The following PCDH15 variants were observed in gnomAD, a reference collection of about 807,000 sequenced individuals.
PCDH15 encodes protocadherin-15.
In PCDH15, 129 loss-of-function variants were observed where a neutral mutation model predicts 178.5. That is an observed-to-expected ratio of 0.72 (90% CI 0.63 to 0.84). The LOEUF (loss-of-function observed/expected upper bound fraction) is 0.84, where lower values mean the gene tolerates loss of function less well. PCDH15 is among the 40% of genes least tolerant of loss of function. PCDH15 has a pLI of 0.00. For missense variants in PCDH15, 2,230 were observed against 2,099.9 expected, an observed-to-expected ratio of 1.06 and a Z score of -1.21; for synonymous variants, 800 against 732.0, an observed-to-expected ratio of 1.09 and a Z score of -1.50.
At chr10:55,447,829 G>GGTTTTTATAGT (rs1295356503) in intron 2 of PCDH15, among the ~76,000 whole-genome samples, 1 of 151,902 alleles carries the variant, frequency 6.6e-6, no homozygotes, top group African/African-American at 2.4e-5. Flanking sequence ...GTGTTGGGAG[G>GGTTTTTATAGT]GTTTTTATAG....
At chr10:54,560,409 A>G (rs186324839) in intron 2 of PCDH15, among the ~76,000 whole-genome samples, 118 of 152,246 alleles carry the variant, frequency 7.8e-4, no homozygotes, top group Admixed American at 1.6e-3. Context: ...TAATGTTGCA[A>G]TATATCAAAT....
intron 2 of PCDH15, among the ~76,000 whole-genome samples, chr10:55,356,253 G>T (rs7099670): frequency 1.3e-3 from 190 of 151,764 alleles, no homozygotes; most frequent in African/African-American, 3.9e-3. Context: ...TGAAAGAAAA[G>T]AATGAGAGAG....
rs1423870955 is a variant in PCDH15 at position 54,885,111 on chromosome 10, T to C, written c.-29+12339A>G. Among the ~76,000 whole-genome samples the C allele has an allele frequency of 2.0e-5, 3 of 152,154 alleles. No individual in the cohort carries two copies. The East Asian group carries it at 5.8e-4, about 29-fold the overall frequency. On this transcript the variant is annotated intron_variant, in intron 3 of 5. Coordinates refer to the PCDH15 transcript ENST00000458638. ...GCTTTATTCCCAGCAACCGATACAA[T>C]AAATGAATGAATGATCTTGAAAATT... is the stretch of plus-strand genomic sequence containing the variant.
At chr10:55,471,599 C>T (rs531204677) in intron 2 of PCDH15, among the ~76,000 whole-genome samples, 16 of 152,288 alleles carry the variant, frequency 1.1e-4, no homozygotes, top group Admixed American at 4.6e-4. Context: ...CTGGTTAAAT[C>T]CCTGTTGGCT....
At chr10:54,838,347 T>G (rs1235716440) in intron 3 of PCDH15, among the ~76,000 whole-genome samples, 1 of 152,066 alleles carries the variant, frequency 6.6e-6, no homozygotes, top group Admixed American at 6.6e-5. Context: ...TCTCATGAGA[T>G]CTGATGGTTT....
chr10:54,623,283 C>T (rs766866626), intron 2 of PCDH15, among the ~76,000 whole-genome samples: 3 of 152,126 alleles, frequency 2.0e-5, no homozygotes, highest in Non-Finnish European at 4.4e-5. Flanking sequence ...AGAAGCTCTG[C>T]ATACATCCAT....
intron 2 of PCDH15, among the ~76,000 whole-genome samples, chr10:55,550,555 T>C (rs1841984330): frequency 6.6e-6 from 1 of 152,152 alleles, no homozygotes; most frequent in African/African-American, 2.4e-5. Context: ...TTAATTGTAT[T>C]GCCAAGTGTC....
intron 2 of PCDH15, among the ~76,000 whole-genome samples, chr10:54,622,662 TA>T (rs1408953512): frequency 9.2e-5 from 9 of 98,306 alleles, no homozygotes; most frequent in East Asian, 2.6e-4. Context: ...TACTATATAA[TA>T]TATATTATAT....
At chr10:54,081,637 G>A (rs571782107) in intron 16 of PCDH15, among the ~76,000 whole-genome samples, 1 of 151,998 alleles carries the variant, frequency 6.6e-6, no homozygotes, top group South Asian at 2.1e-4. Context: ...TATTAAATCC[G>A]AGAAATAGCT....
At chr10:53,882,242 C>T (rs1296039110) in intron 26 of PCDH15, among the ~76,000 whole-genome samples, 1 of 151,556 alleles carries the variant, frequency 6.6e-6, no homozygotes, top group Non-Finnish European at 1.5e-5. Flanking sequence ...GTTTCTCATT[C>T]ACTTGATACA....
intron 2 of PCDH15, among the ~76,000 whole-genome samples, chr10:55,017,049 G>A (rs1002900529): frequency 6.6e-6 from 1 of 152,076 alleles, no homozygotes; most frequent in African/African-American, 2.4e-5. Context: ...GAAGGTATGT[G>A]TATGCATCTA....
At chr10:54,482,251 G>C (rs2078770884) in intron 3 of PCDH15, among the ~76,000 whole-genome samples, 1 of 151,672 alleles carries the variant, frequency 6.6e-6, no homozygotes, top group African/African-American at 2.4e-5. Flanking sequence ...TTAAAATATC[G>C]ATTGTGAGAA....
At chr10:54,356,405 A>G (rs1944980521) in intron 5 of PCDH15, among the ~76,000 whole-genome samples, 1 of 152,034 alleles carries the variant, frequency 6.6e-6, no homozygotes, top group Admixed American at 6.6e-5. Context: ...GTTTTAGGAA[A>G]TACACAATAA....
Position 53,903,229 on chromosome 10 carries a change from A to G in PCDH15, c.3501+14T>C, listed in dbSNP as rs751214050. 2 of 1,611,998 alleles carry G rather than the reference A, an allele frequency of 1.2e-6. No homozygotes were observed. Among genetic ancestry groups the G allele is most frequent in the Non-Finnish European group, 1.7e-6 (2 of 1,178,968 alleles). On this transcript the variant is annotated intron_variant, in intron 26 of 37. Transcript: ENST00000644397. ...TTTTACTTTAGTTCTGTATATTAAC[A>G]TAATTCCGCATACCTTCACTCTGAG...
chr10:55,305,707 C>T (rs1843404651), intron 1 of PCDH15, among the ~76,000 whole-genome samples: 1 of 152,152 alleles, frequency 6.6e-6, no homozygotes, highest in African/African-American at 2.4e-5. Context: ...CTGGATAAGG[C>T]AGTGCTTCAC....
chr10:54,172,682 G>A (rs2047041251), intron 13 of PCDH15, among the ~76,000 whole-genome samples: 1 of 152,062 alleles, frequency 6.6e-6, no homozygotes, highest in Non-Finnish European at 1.5e-5. Context: ...CATATTTCAA[G>A]TCAAATATCT....
intron 28 of PCDH15, among the ~76,000 whole-genome samples, chr10:53,850,613 TTTA>T (rs2078293844): frequency 6.6e-6 from 1 of 152,102 alleles, no homozygotes; most frequent in Non-Finnish European, 1.5e-5. Flanking sequence ...AATGGTAGGA[TTTA>T]TTATTATATT....
chr10:55,509,715 G>A (rs7075292), intron 2 of PCDH15, among the ~76,000 whole-genome samples: 63,616 of 151,520 alleles, frequency 0.42, 14,019 homozygotes, highest in East Asian at 0.81. Context: ...CCCACATTCA[G>A]TTTGATAAGG....
chr10:55,077,839 G>T (rs1841946430), intron 2 of PCDH15, among the ~76,000 whole-genome samples: 1 of 152,112 alleles, frequency 6.6e-6, no homozygotes, highest in Non-Finnish European at 1.5e-5. Context: ...GAGCCACCGT[G>T]CCCGGCCAGT....
Sources: gnomAD v4.1 joint callset for allele counts (sites outside exome capture counted in the v4.1 genomes callset) on GRCh38, gnomAD v4.1.1 for gene constraint, MANE v1.5 for transcripts, NCBI Gene and HGNC (gene_info 2026-07-23, HGNC 2026-07-21) for gene names.